Variants in KMT5B observed in about 807,000 individuals in gnomAD.
KMT5B encodes lysine methyltransferase 5B.
Under a neutral mutation model 83.2 loss-of-function variants are expected in KMT5B, and 10 were observed. The ratio of observed to expected loss-of-function variants is 0.12; its 90% CI spans 0.07 to 0.20. The LOEUF (loss-of-function observed/expected upper bound fraction) is 0.20. Among genes scored for constraint, KMT5B ranks in the 10% least tolerant of loss-of-function variants. The probability of loss-of-function intolerance (pLI) is 1.00; values close to 1 mark genes in which losing one functional copy is unlikely to be tolerated. For synonymous variants in KMT5B, 349 were observed against 388.8 expected, an observed-to-expected ratio of 0.90 and a Z score of 1.20; for missense variants, 753 against 1,067.2, an observed-to-expected ratio of 0.71 and a Z score of 4.10.
intron 9 of KMT5B, among the ~76,000 whole-genome samples, chr11:68,170,699 A>T (rs890008923): frequency 6.6e-6 from 1 of 152,142 alleles, no homozygotes; most frequent in African/African-American, 2.4e-5. Flanking sequence ...CGGCAACCCC[A>T]TTCTGGCATT....
At chr11:68,208,474 C>G (rs762090183) in intron 1 of KMT5B, among the ~76,000 whole-genome samples, 17 of 151,862 alleles carry the variant, frequency 1.1e-4, no homozygotes, top group Non-Finnish European at 2.2e-4. Flanking sequence ...ACAAAAAAAC[C>G]ACTGTGCCCC....
At chr11:68,166,800 G>A in intron 10 of KMT5B, 182 bp downstream of exon 10, 2 of 1,428,856 alleles carry the variant, frequency 1.4e-6, no homozygotes, top group Non-Finnish European at 1.8e-6. Context: ...ACTGAAGTTA[G>A]AGATGGGATA....
At chr11:68,201,559 T>A (rs1345423815) in intron 1 of KMT5B, among the ~76,000 whole-genome samples, 1 of 151,546 alleles carries the variant, frequency 6.6e-6, no homozygotes, top group Non-Finnish European at 1.5e-5. Context: ...TTGCTTAATA[T>A]CCTAAAAACA....
At position 68,163,732 on chromosome 11, in the gene KMT5B, C is replaced by T. The variant is rs530783824; in HGVS notation, c.1174+3250G>A. ...TTTACTTGGCACAAGCAGCTTTCATCTGACATGACTAGCACAGACTGCCAA... is the reference window on the plus strand; with the variant it reads ...TTTACTTGGCACAAGCAGCTTTCATTTGACATGACTAGCACAGACTGCCAA... On this transcript the variant is annotated intron_variant, in intron 10 of 10. Transcript: ENST00000304363. Among the ~76,000 whole-genome samples the T allele has an allele frequency of 1.9e-4, 29 of 152,358 alleles. No homozygotes were observed. The South Asian group carries it at 5.2e-3, about 27-fold the overall frequency.
chr11:68,183,395 T>C (rs1239082080), intron 3 of KMT5B, among the ~76,000 whole-genome samples: 6 of 152,196 alleles, frequency 3.9e-5, no homozygotes, highest in African/African-American at 1.4e-4. Flanking sequence ...TCACGCTCTG[T>C]TGCCCAGGCT....
chr11:68,202,547 T>TA (rs1026678121), intron 1 of KMT5B, among the ~76,000 whole-genome samples: 3 of 3,926 alleles, frequency 7.6e-4, no homozygotes, highest in African/African-American at 1.5e-3. Context: ...TAAGACACAC[T>TA]TTTTTTTTTT....
chr11:68,191,406 T>C (rs1227088934), intron 1 of KMT5B, among the ~76,000 whole-genome samples: 1 of 152,124 alleles, frequency 6.6e-6, no homozygotes, highest in East Asian at 1.9e-4. Context: ...CCATCTCTTC[T>C]CATTGCAACC....
chr11:68,192,504 C>G (rs1431673476), intron 1 of KMT5B, among the ~76,000 whole-genome samples: 1 of 152,234 alleles, frequency 6.6e-6, no homozygotes, highest in Non-Finnish European at 1.5e-5. Flanking sequence ...TAAGAACCAT[C>G]TTTGCTCCTT....
chr11:68,191,759 T>G (rs1423655060), intron 1 of KMT5B, among the ~76,000 whole-genome samples: 1 of 152,218 alleles, frequency 6.6e-6, no homozygotes, highest in Non-Finnish European at 1.5e-5. Flanking sequence ...GGTTAATTAT[T>G]GAAGAAACAT....
At chr11:68,165,055 TAAG>T (rs1855192981) in intron 10 of KMT5B, among the ~76,000 whole-genome samples, 1 of 152,228 alleles carries the variant, frequency 6.6e-6, no homozygotes. Flanking sequence ...TCTTTTAAAC[TAAG>T]TAGTATATTG....
chr11:68,166,573 A>C (rs1855340569), intron 10 of KMT5B: 1 of 1,007,888 alleles, frequency 9.9e-7, no homozygotes, highest in South Asian at 4.3e-5. Flanking sequence ...GAATTCCCCA[A>C]GTCCATCATC....
intron 10 of KMT5B, chr11:68,165,769 G>T: frequency 6.6e-7 from 1 of 1,504,154 alleles, no homozygotes; most frequent in South Asian, 1.4e-5. Flanking sequence ...GTTAATGATT[G>T]ACTAACTCTT....
rs1419748955 is a variant in KMT5B, at chr11:68,156,168, C to A, written c.*1520G>T. On this transcript the variant is annotated 3_prime_UTR_variant, in exon 11 of 11. Coordinates refer to ENST00000304363, the MANE Select transcript of KMT5B (RefSeq NM_017635.5). ...GACATGGGCTACTTTCCTATAGACACTATACAAATCCCCTGAATTGATTTT... is the reference window on the plus strand; with the variant it reads ...GACATGGGCTACTTTCCTATAGACAATATACAAATCCCCTGAATTGATTTT... The A allele has an allele frequency of 6.6e-6, 1 of 152,158 alleles. No homozygotes were observed. The highest frequency in any genetic ancestry group is 1.9e-4 in the East Asian group (1 of 5,194). The allele number at this position is 152,158 out of a possible 1,614,324, so 9.4% of individuals were successfully genotyped here. A position where few individuals can be genotyped will look rare whatever the true frequency, so the allele number is the denominator to read the frequency against.
At chr11:68,160,658 T>C (rs1565215885) in intron 10 of KMT5B, among the ~76,000 whole-genome samples, 1 of 152,140 alleles carries the variant, frequency 6.6e-6, no homozygotes, top group South Asian at 2.1e-4. Flanking sequence ...TCAGTTTTTA[T>C]TGAGAGAGGA....
At chr11:68,162,650 C>T (rs1301943158) in intron 10 of KMT5B, among the ~76,000 whole-genome samples, 1 of 152,194 alleles carries the variant, frequency 6.6e-6, no homozygotes, top group Non-Finnish European at 1.5e-5. Context: ...AAAACATTCA[C>T]TGTTGACAAC....
chr11:68,176,519 C>A (rs1451788309), intron 4 of KMT5B: 1 of 152,150 alleles, frequency 6.6e-6, no homozygotes, highest in Non-Finnish European at 1.5e-5. Context: ...GGTATGGTGG[C>A]TCTCACCTAT....
At chr11:68,212,669 CA>C (rs2153096491) in intron 1 of KMT5B, 1 of 152,008 alleles carries the variant, frequency 6.6e-6, no homozygotes, top group East Asian at 2.0e-4. Flanking sequence ...GGGCCACGGC[CA>C]GGGGCGCCGT....
At chr11:68,166,082 C>A in intron 10 of KMT5B, 1 of 1,513,306 alleles carries the variant, frequency 6.6e-7, no homozygotes, top group Non-Finnish European at 8.8e-7. Flanking sequence ...CCAACAAAGG[C>A]ATACTTTCGG....
intron 1 of KMT5B, among the ~76,000 whole-genome samples, chr11:68,202,391 T>C (rs1163699135): frequency 6.6e-6 from 1 of 152,184 alleles, no homozygotes; most frequent in Non-Finnish European, 1.5e-5. Flanking sequence ...ACACTGCTCC[T>C]CAGTCCCTGC....
Sources: allele counts gnomAD v4.1 joint callset (sites outside exome capture counted in the v4.1 genomes callset), GRCh38; gene constraint gnomAD v4.1.1; transcripts MANE v1.5; gene names NCBI Gene and HGNC (gene_info 2026-07-23, HGNC 2026-07-21).